Variants in SEC24C observed in about 807,000 individuals in gnomAD.
The protein encoded by SEC24C is protein transport protein Sec24C.
Under a neutral mutation model 117.0 loss-of-function variants are expected in SEC24C, and 22 were observed. That is an observed-to-expected ratio of 0.19 (90% confidence interval 0.13 to 0.27). The LOEUF (loss-of-function observed/expected upper bound fraction) is 0.27. SEC24C is among the 10% of genes least tolerant of loss of function. The pLI is 1.00. For synonymous variants in SEC24C, 506 were observed against 529.4 expected (o/e 0.96, Z 0.61); for missense variants, 1,155 against 1,375.1 (o/e 0.84, Z 2.53).
chr10:73,752,280 C>T (rs927324504), intron 3 of SEC24C, among the ~76,000 whole-genome samples: 1 of 152,110 alleles, frequency 6.6e-6, no homozygotes, highest in Non-Finnish European at 1.5e-5. Context: ...CGCCACCACA[C>T]CCAGCTAATT....
chr10:73,766,772 G>C lies in SEC24C; in HGVS notation c.1812G>C (p.Gln604His), dbSNP rs1051778732. The C allele has an allele frequency of 6.2e-7, 1 of 1,614,124 alleles. No individual in the cohort carries two copies. The highest frequency in any genetic ancestry group is 8.5e-7 in the Non-Finnish European group (1 of 1,179,986). Residue 604 changes from glutamine to histidine, a missense_variant, in exon 13 of 23, where the codon CAG becomes CAC. This residue lies in a region of SEC24C where 759 missense variants were observed against 992.3 expected (regional missense o/e 0.76). Transcript: ENST00000345254. ...SRAVITSLLD[Q>H]IPEMFADTRE... ...CCTATCTCTTTAGCTTATTGGATCAGATTCCAGAAATGTTTGCAGACACAA... is the reference window on the plus strand; with the variant it reads ...CCTATCTCTTTAGCTTATTGGATCACATTCCAGAAATGTTTGCAGACACAA...
chr10:73,753,845 T>C (rs774260574), intron 3 of SEC24C, among the ~76,000 whole-genome samples: 10 of 152,238 alleles, frequency 6.6e-5, no homozygotes, highest in Non-Finnish European at 1.5e-4. Context: ...TTTGGACTCT[T>C]TACATAACAT....
At chr10:73,763,748 C>A in intron 7 of SEC24C, 108 bp from the exon 8 acceptor site, 2 of 1,127,676 alleles carry the variant, frequency 1.8e-6, no homozygotes, top group Non-Finnish European at 2.4e-6. Flanking sequence ...GGGGAAAAAG[C>A]CACCATCACC....
At chr10:73,770,512 T>C (rs769766753) in intron 21 of SEC24C, 41 bp downstream of exon 21, 75 of 1,604,502 alleles carry the variant, frequency 4.7e-5, no homozygotes, top group Middle Eastern at 1.6e-4. Flanking sequence ...TGTGGAAGTA[T>C]ACTTTGTGAA....
chr10:73,752,630 G>A (rs1346344398), intron 3 of SEC24C, among the ~76,000 whole-genome samples: 1 of 152,130 alleles, frequency 6.6e-6, no homozygotes, highest in East Asian at 1.9e-4. Flanking sequence ...AAAACAGGGT[G>A]AGGATATAGT....
chr10:73,756,657 A>G (rs1466565695), intron 3 of SEC24C, among the ~76,000 whole-genome samples: 1 of 151,746 alleles, frequency 6.6e-6, no homozygotes, highest in Non-Finnish European at 1.5e-5. Flanking sequence ...TTGGAGTGCA[A>G]TAGCACGATC....
At chr10:73,746,657 G>GA (rs2082557767) in intron 1 of SEC24C, 148 bp from the exon 2 acceptor site, 1 of 510,192 alleles carries the variant, frequency 2.0e-6, no homozygotes, top group Admixed American at 4.0e-5. Context: ...GGCTGGGGCA[G>GA]AAAATTACTA....
chr10:73,766,758 A>G lies in SEC24C; in HGVS notation c.1800-2A>G, dbSNP rs1357326770. 6.2e-7 allele frequency: 1 copy of G among 1,613,746 alleles called. No individual in the cohort carries two copies. Among genetic ancestry groups the G allele is most frequent in the Non-Finnish European group, 8.5e-7 (1 of 1,179,672 alleles). On this transcript the variant is annotated splice_acceptor_variant, in intron 12 of 22. Coordinates refer to ENST00000345254, the MANE Select transcript of SEC24C (RefSeq NM_198597.3). LOFTEE classifies it high-confidence loss of function. The stretch of plus-strand genomic sequence containing the variant: ...GTTGTTTTCCGTCACCTATCTCTTT[A>G]GCTTATTGGATCAGATTCCAGAAAT...
chr10:73,763,667 C>CTTTTTTT lies in SEC24C; in HGVS notation c.1099+92_1099+98dup, dbSNP rs71021569. The CTTTTTTT allele has an allele frequency of 6.7e-3, 405 of 60,438 alleles. 30 individuals are homozygous for CTTTTTTT. Among genetic ancestry groups the CTTTTTTT allele is most frequent in the East Asian group, 9.2e-3 (20 of 2,166 alleles). 3.7% of individuals were successfully genotyped at this position (60,438 alleles called of 1,614,324 possible). A position where few individuals can be genotyped will look rare whatever the true frequency, so the allele number is the denominator to read the frequency against. On this transcript the variant is annotated intron_variant, in intron 7 of 22. Coordinates refer to ENST00000345254, the MANE Select transcript of SEC24C (RefSeq NM_198597.3). ...CAAGATTATCAGCTTATGGTTGGGG[C>CTTTTTTT]TTTTTTTTTTTTTTTTTTTTTTTTT...
At chr10:73,765,373 C>A in intron 8 of SEC24C, 78 bp from the exon 9 acceptor site, 1 of 1,524,422 alleles carries the variant, frequency 6.6e-7, no homozygotes, top group East Asian at 2.3e-5. Context: ...CTTCTTCCTC[C>A]GGTTGTTCTT....
intron 1 of SEC24C, among the ~76,000 whole-genome samples, chr10:73,744,802 G>T (rs2082520371): frequency 6.6e-6 from 1 of 152,116 alleles, no homozygotes; most frequent in African/African-American, 2.4e-5. Flanking sequence ...GTTCTAGGAA[G>T]CTTGCCCCGC....
intron 6 of SEC24C, chr10:73,761,986 T>C (rs1209446475): frequency 1.6e-6 from 1 of 633,932 alleles, no homozygotes; most frequent in African/African-American, 1.9e-5. Context: ...TGAGCTGGGC[T>C]CCAGCTGTTC....
intron 15 of SEC24C, 39 bp from the exon 16 acceptor site, chr10:73,768,771 T>A (rs2082924251): frequency 1.9e-6 from 3 of 1,592,586 alleles, no homozygotes; most frequent in Non-Finnish European, 2.6e-6. Context: ...ATGAGCTATG[T>A]CTAGTCAGTG....
At chr10:73,770,591 C>A in intron 21 of SEC24C, 118 bp from the exon 22 acceptor site, 1 of 1,482,518 alleles carries the variant, frequency 6.7e-7, no homozygotes, top group Non-Finnish European at 9.4e-7. Context: ...GGGACAAGGG[C>A]AGTTGCTGTC....
intron 3 of SEC24C, among the ~76,000 whole-genome samples, 187 bp downstream of exon 3, chr10:73,751,430 G>A (rs1021306219): frequency 6.6e-6 from 1 of 152,116 alleles, no homozygotes; most frequent in Non-Finnish European, 1.5e-5. Context: ...GTGTGGTGGT[G>A]TGCACTTGAA....
intron 6 of SEC24C, among the ~76,000 whole-genome samples, chr10:73,761,808 T>G (rs754599815): frequency 6.6e-5 from 10 of 152,106 alleles, no homozygotes; most frequent in Admixed American, 1.3e-4. Flanking sequence ...TTCTTCTTCC[T>G]TAAGGTTTCT....
rs543157314 is a variant in SEC24C, at chr10:73,764,610, C to G, written c.1227+627C>G. On this transcript the variant is annotated intron_variant, in intron 8 of 22. Coordinates refer to ENST00000345254, the MANE Select transcript of SEC24C (RefSeq NM_198597.3). Reference sequence around the variant, plus strand: ...GGAACCTCTCGTATCATGGTCATCTCCAGATGATGAGAAGGACATCATTCC... The same window carrying G: ...GGAACCTCTCGTATCATGGTCATCTGCAGATGATGAGAAGGACATCATTCC... Among the ~76,000 whole-genome samples, 5 of 152,098 alleles carry G rather than the reference C, an allele frequency of 3.3e-5. No homozygotes were observed. In the South Asian group the frequency reaches 6.2e-4, roughly 19 times the overall value.
Position 73,760,811 on chromosome 10 carries a change from C to A in SEC24C, c.949C>A (p.Pro317Thr). The change falls in exon 6 of 23, where the codon CCT (proline) becomes ACT (threonine). Residue 317 changes from proline to threonine, a missense_variant. Pro to Thr is a conservative substitution (Grantham distance 38). Transcript: ENST00000345254. ...TCAGCCTGGGCCTCCTCAGCCACTG[C>A]CTCCTAAGCGCCTGGACCCTGATGC... ...GSQPGPPQPL[P>T]PKRLDPDAIP... 1 of 1,614,142 alleles carries A rather than the reference C, an allele frequency of 6.2e-7. No homozygotes were observed.
intron 3 of SEC24C, among the ~76,000 whole-genome samples, chr10:73,753,893 C>T (rs908751136): frequency 3.3e-5 from 5 of 152,280 alleles, no homozygotes; most frequent in South Asian, 2.1e-4. Flanking sequence ...CCACAGTCTG[C>T]GTGCCCCAGG....
Sources: allele counts gnomAD v4.1 joint callset (sites outside exome capture counted in the v4.1 genomes callset), GRCh38; gene constraint gnomAD v4.1.1; regional missense constraint gnomAD v4.1.1; transcripts MANE v1.5; gene names NCBI Gene and HGNC (gene_info 2026-07-23, HGNC 2026-07-21).